The following TMEM170A variants were observed in gnomAD, a reference collection of about 807,000 sequenced individuals.
The protein encoded by TMEM170A is transmembrane protein 170.
Under a neutral mutation model 12.8 loss-of-function variants are expected in TMEM170A, and 18 were observed. The observed-to-expected ratio is 1.41, with a 90% CI of 0.97 to 2.09. The LOEUF (loss-of-function observed/expected upper bound fraction) is 2.09, where lower values mean the gene tolerates loss of function less well. TMEM170A is among the 30% of genes most tolerant of loss of function. The pLI is 0.00. For missense variants in TMEM170A, 220 were observed against 179.9 expected, an observed-to-expected ratio of 1.22 and a Z score of -1.28; for synonymous variants, 107 against 76.2, an observed-to-expected ratio of 1.40 and a Z score of -2.11.
intron 1 of TMEM170A, among the ~76,000 whole-genome samples, chr16:75,455,138 A>G (rs962744184): frequency 6.6e-6 from 1 of 152,110 alleles, no homozygotes; most frequent in African/African-American, 2.4e-5. Flanking sequence ...CAGGCAGATC[A>G]CGAGGTCAGA....
rs1334026292 is a variant in TMEM170A, at chr16:75,446,955, C to T, written c.*603G>A. 2 of 152,174 alleles carry T rather than the reference C, an allele frequency of 1.3e-5. No homozygotes were observed. Among genetic ancestry groups the T allele is most frequent in the Admixed American group, 6.6e-5 (1 of 15,266 alleles). 9.4% of individuals were successfully genotyped at this position (152,174 alleles called of 1,614,324 possible). On this transcript the variant is annotated 3_prime_UTR_variant, in exon 3 of 3. Coordinates refer to ENST00000561878, the MANE Select transcript of TMEM170A (RefSeq NM_145254.3). ...GTTGTCCAGAAAATGTCACATTATT[C>T]ATTGTTATCTACTTTTTATTTATAA...
At chr16:75,464,431 C>G in intron 1 of TMEM170A, 37 bp downstream of exon 1, 1 of 1,402,592 alleles carries the variant, frequency 7.1e-7, no homozygotes, top group Non-Finnish European at 9.3e-7. Flanking sequence ...GCGGCGACGG[C>G]GGGGCGCGCA....
intron 2 of TMEM170A, among the ~76,000 whole-genome samples, chr16:75,448,084 C>T (rs2035679262): frequency 6.6e-6 from 1 of 152,148 alleles, no homozygotes; most frequent in South Asian, 2.1e-4. Flanking sequence ...TTTTTGGTAA[C>T]AAATGAAAAA....
Position 75,464,592 on chromosome 16 carries a change from G to A in TMEM170A, c.9C>T (p.Arg3=), listed in dbSNP as rs773802545. 3 of 1,584,418 alleles carry A rather than the reference G, an allele frequency of 1.9e-6. No individual in the cohort carries two copies. The Admixed American group carries it at 5.3e-5, about 28-fold the overall frequency. The change falls in exon 1 of 3, where the codon CGC becomes CGT. Residue 3 remains arginine (R), a synonymous_variant. Transcript: ENST00000561878. ME[R]EGSGGSGGSA... ...ACCCGCCGCTGCCGCCGCTCCCCTC[G>A]CGCTCCATCCCGTCGCCATTCACCA...
chr16:75,457,167 T>C (rs2079813839), intron 1 of TMEM170A, among the ~76,000 whole-genome samples: 1 of 152,102 alleles, frequency 6.6e-6, no homozygotes, highest in African/African-American at 2.4e-5. Context: ...TGCCAGAGTT[T>C]TAGAGAGAAG....
In TMEM170A at chr16:75,464,570, C is replaced by T. The variant is rs758373049; in HGVS notation, c.31G>A (p.Gly11Arg). 2 of 1,586,444 alleles carry T rather than the reference C, an allele frequency of 1.3e-6. No homozygotes were observed. The highest frequency in any genetic ancestry group is 2.4e-5 in the East Asian group (1 of 41,278). ...ATCTGCTGCAGGAGCCCGGCCGACC[C>T]GCCGCTGCCGCCGCTCCCCTCGCGC... Reference protein sequence around the residue: MEREGSGGSGGSAGLLQQILS... With the variant: MEREGSGGSGRSAGLLQQILS... The change falls in exon 1 of 3, where the codon GGG becomes AGG. Residue 11 changes from glycine (G) to arginine (R), a missense_variant. Transcript: ENST00000561878.
At chr16:75,451,387 A>G in intron 2 of TMEM170A, 1 of 526,736 alleles carries the variant, frequency 1.9e-6, no homozygotes, top group Non-Finnish European at 3.4e-6. Context: ...CTCTACAAAA[A>G]ATACAAAAAA....
intron 1 of TMEM170A, among the ~76,000 whole-genome samples, chr16:75,462,878 T>C (rs1049196716): frequency 1.3e-5 from 2 of 152,182 alleles, no homozygotes; most frequent in Non-Finnish European, 2.9e-5. Context: ...TTCTTGGATG[T>C]GATATGGTTT....
chr16:75,447,408 GAAGAA>G lies in TMEM170A; in HGVS notation c.*145_*149del. On this transcript the variant is annotated 3_prime_UTR_variant, in exon 3 of 3. Transcript: ENST00000561878. ...TCTTCAATTCTAGGAGCTTCAAAATGAAGAAAAGGCTGAGATGTGTTGTCCTTCAT... is the reference window on the plus strand; with the variant it reads ...TCTTCAATTCTAGGAGCTTCAAAATGAAGGCTGAGATGTGTTGTCCTTCAT... 1 of 825,216 alleles carries G rather than the reference GAAGAA, an allele frequency of 1.2e-6. No homozygotes were observed. The highest frequency in any genetic ancestry group is 1.7e-6 in the Non-Finnish European group (1 of 589,928). 51.1% of individuals were successfully genotyped at this position (825,216 alleles called of 1,614,324 possible).
In TMEM170A at chr16:75,443,150, ATTAAG is replaced by A. The variant is rs751337620; in HGVS notation, c.*4403_*4407del. On this transcript the variant is annotated 3_prime_UTR_variant, in exon 3 of 3. Coordinates refer to ENST00000561878, the MANE Select transcript of TMEM170A (RefSeq NM_145254.3). ...ATAAAAAAAGTTACACATGCTAGAT[ATTAAG>A]TTATTTAAAAAATGAAAACTGAAGT... is the stretch of plus-strand genomic sequence containing the variant. The A allele has an allele frequency of 4.0e-4, 61 of 152,350 alleles. No homozygotes were observed. The highest frequency in any genetic ancestry group is 1.2e-3 in the African/African-American group (48 of 41,588). The allele number at this position is 152,350 out of a possible 1,614,324, so 9.4% of individuals were successfully genotyped here.
intron 1 of TMEM170A, among the ~76,000 whole-genome samples, chr16:75,455,270 T>C (rs1032742294): frequency 2.0e-5 from 3 of 148,318 alleles, no homozygotes; most frequent in African/African-American, 7.5e-5. Context: ...GGCAGGAGAA[T>C]AGTGTGAACT....
At chr16:75,458,854 T>C (rs2079847144) in intron 1 of TMEM170A, 1 of 152,168 alleles carries the variant, frequency 6.6e-6, no homozygotes, top group Admixed American at 6.5e-5. Context: ...CTAAAAGATA[T>C]TTGAGGATTT....
rs561832665 is a variant in TMEM170A at position 75,461,388 on chromosome 16, T to C, written c.133+3080A>G. Among the ~76,000 whole-genome samples, 455 of 152,254 alleles carry C rather than the reference T, an allele frequency of 3.0e-3. 1 individual carries two copies. The highest frequency in any genetic ancestry group is 4.3e-3 in the Non-Finnish European group (290 of 68,024). On this transcript the variant is annotated intron_variant, in intron 1 of 2. Transcript: ENST00000561878. ...ATTTAGATGTCTACCTAACCCTCCG[T>C]AGGTAAATGGCTAAACTGCAAATAC...
chr16:75,453,513 G>A (rs1197901294), intron 1 of TMEM170A, among the ~76,000 whole-genome samples: 1 of 152,140 alleles, frequency 6.6e-6, no homozygotes, highest in African/African-American at 2.4e-5. Flanking sequence ...CAATTGATAC[G>A]GTACTATGCA....
intron 2 of TMEM170A, among the ~76,000 whole-genome samples, chr16:75,449,583 T>C (rs1359029613): frequency 2.0e-5 from 3 of 152,216 alleles, no homozygotes; most frequent in African/African-American, 4.8e-5. Flanking sequence ...CTTCCCAAAG[T>C]GCTGGGATTA....
At position 75,447,599 on chromosome 16, in the gene TMEM170A, C is replaced by A. The variant is rs376793219; in HGVS notation, c.394G>T (p.Val132Phe). ...ATCCGTAAAAAGGAGACCACCAAGA[C>A]GCAAAATGTCTGTCCAGTGCCCAGT... The part of the protein sequence containing the change: ...LTLGTGQTFC[V>F]LVVSFLRILA... The change falls in exon 3 of 3, where the codon GTC (valine) becomes TTC (phenylalanine). Residue 132 changes from valine (V) to phenylalanine (F), a missense_variant. Val to Phe is a conservative substitution (Grantham distance 50, BLOSUM62 -1). Coordinates refer to ENST00000561878, the MANE Select transcript of TMEM170A (RefSeq NM_145254.3). The A allele has an allele frequency of 7.4e-6, 12 of 1,612,346 alleles. No homozygotes were observed. The highest frequency in any genetic ancestry group is 1.0e-5 in the Non-Finnish European group (12 of 1,179,268).
In TMEM170A at chr16:75,464,596, T is replaced by C; in HGVS notation, c.5A>G (p.Glu2Gly). Residue 2 changes from glutamate (E) to glycine (G), a missense_variant, in exon 1 of 3, where the codon GAG (glutamate) becomes GGG (glycine). Transcript: ENST00000561878. ...GCCGCTGCCGCCGCTCCCCTCGCGCTCCATCCCGTCGCCATTCACCACAGA... is the reference window on the plus strand; with the variant it reads ...GCCGCTGCCGCCGCTCCCCTCGCGCCCCATCCCGTCGCCATTCACCACAGA... M[E>G]REGSGGSGGS... 6.3e-7 allele frequency: 1 copy of C among 1,583,790 alleles called. No homozygotes were observed. Among genetic ancestry groups the C allele is most frequent in the African/African-American group, 1.4e-5 (1 of 71,766 alleles).
chr16:75,457,932 T>A (rs2079829165), intron 1 of TMEM170A, among the ~76,000 whole-genome samples: 2 of 152,174 alleles, frequency 1.3e-5, no homozygotes, highest in Non-Finnish European at 2.9e-5. Flanking sequence ...GTACAGCTTA[T>A]AAAACACTTT....
chr16:75,455,147 G>T (rs1352169159), intron 1 of TMEM170A, among the ~76,000 whole-genome samples: 3 of 152,118 alleles, frequency 2.0e-5, no homozygotes, highest in African/African-American at 4.8e-5. Flanking sequence ...CACGAGGTCA[G>T]AAGATTGAGA....
Sources: gnomAD v4.1 joint callset for allele counts (sites outside exome capture counted in the v4.1 genomes callset) on GRCh38, gnomAD v4.1.1 for gene constraint, MANE v1.5 for transcripts, NCBI Gene and HGNC (gene_info 2026-07-23, HGNC 2026-07-21) for gene names.